Variants in ARIH1 observed in about 807,000 individuals in gnomAD.
The protein encoded by ARIH1 is ariadne RBR E3 ubiquitin protein ligase 1.
ARIH1 carries 8 observed loss-of-function variants against 85.0 expected under a neutral mutation model. The ratio of observed to expected loss-of-function variants is 0.09; its 90% CI spans 0.06 to 0.17. The LOEUF (loss-of-function observed/expected upper bound fraction) is 0.17, where lower values mean the gene tolerates loss of function less well. Among genes scored for constraint, ARIH1 ranks in the 10% least tolerant of loss-of-function variants. The pLI is 1.00. For synonymous variants in ARIH1, 238 were observed against 253.6 expected, an observed-to-expected ratio of 0.94 and a Z score of 0.59; for missense variants, 311 against 718.1, an observed-to-expected ratio of 0.43 and a Z score of 6.48.
chr15:72,553,164 A>G, intron 3 of ARIH1, among the ~76,000 whole-genome samples: 1 of 151,194 alleles, frequency 6.6e-6, no homozygotes, highest in East Asian at 1.9e-4. Context: ...CTCAATTAAA[A>G]ATAATTTAGA....
intron 1 of ARIH1, among the ~76,000 whole-genome samples, chr15:72,485,459 G>A (rs2063834100): frequency 6.6e-6 from 1 of 151,774 alleles, no homozygotes; most frequent in African/African-American, 2.4e-5. Context: ...TGCCGTCTCT[G>A]CTTAACTACA....
intron 1 of ARIH1, among the ~76,000 whole-genome samples, chr15:72,480,780 G>T (rs1347723426): frequency 2.0e-5 from 3 of 152,100 alleles, no homozygotes; most frequent in Non-Finnish European, 2.9e-5. Context: ...GGTCAGGCTG[G>T]TCTCAAACTC....
intron 3 of ARIH1, among the ~76,000 whole-genome samples, chr15:72,546,267 C>T (rs2064128544): frequency 6.6e-6 from 1 of 152,096 alleles, no homozygotes; most frequent in South Asian, 2.1e-4. Flanking sequence ...ATGTGTATCT[C>T]TAATGGGGTC....
chr15:72,476,094 T>A (rs2063793930), intron 1 of ARIH1, among the ~76,000 whole-genome samples: 1 of 152,244 alleles, frequency 6.6e-6, no homozygotes, highest in African/African-American at 2.4e-5. Flanking sequence ...GTATTATTTC[T>A]TTTTTGTTTA....
intron 11 of ARIH1, chr15:72,572,435 C>T (rs753709714): frequency 5.2e-5 from 12 of 231,840 alleles, no homozygotes; most frequent in Non-Finnish European, 8.3e-6. Context: ...AGTCTAGTCT[C>T]GAACTCCTGA....
chr15:72,520,337 G>C (rs1437241771), intron 2 of ARIH1, among the ~76,000 whole-genome samples: 1 of 150,878 alleles, frequency 6.6e-6, no homozygotes, highest in Non-Finnish European at 1.5e-5. Flanking sequence ...TATGTTGTCT[G>C]CTATTAGCAC....
chr15:72,557,409 T>G (rs960107932), intron 5 of ARIH1, among the ~76,000 whole-genome samples: 55 of 152,200 alleles, frequency 3.6e-4, no homozygotes, highest in African/African-American at 1.3e-3. Flanking sequence ...ATTTGTTTTT[T>G]GCTTGTTTGA....
Position 72,498,961 on chromosome 15 carries a change from A to ATT in ARIH1, c.376-19070_376-19069dup, listed in dbSNP as rs535261674. On this transcript the variant is annotated intron_variant, in intron 1 of 13. Coordinates refer to ENST00000379887, the MANE Select transcript of ARIH1 (RefSeq NM_005744.5). ...TTATGTCGTTTGCACCTTTTCATAA[A>ATT]TTTTTTTTTTTTTTTTTTTTTTTTT... Among the ~76,000 whole-genome samples the ATT allele has an allele frequency of 2.9e-3, 256 of 88,422 alleles. 50 individuals carry two copies. Among genetic ancestry groups the ATT allele is most frequent in the African/African-American group, 9.1e-3 (196 of 21,450 alleles). 58.0% of individuals were successfully genotyped at this position (88,422 alleles called of 152,430 possible).
rs1178909956 is a variant in ARIH1 at position 72,595,096 on chromosome 15, CTT to C, written c.*11808_*11809del. ...TTTAATAAGATTATTATGTATTTCT[CTT>C]TTTATTTTGTTAAGATGGTATGTTA... is the stretch of plus-strand genomic sequence containing the variant. On this transcript the variant is annotated 3_prime_UTR_variant, in exon 14 of 14. Coordinates refer to ENST00000379887, the MANE Select transcript of ARIH1 (RefSeq NM_005744.5). 6.6e-6 allele frequency: 1 copy of C among 152,068 alleles called. No individual in the cohort carries two copies. Among genetic ancestry groups the C allele is most frequent in the Non-Finnish European group, 1.5e-5 (1 of 68,008 alleles). The allele number at this position is 152,068 out of a possible 1,614,324, so 9.4% of individuals were successfully genotyped here.
intron 5 of ARIH1, 44 bp downstream of exon 5, chr15:72,555,951 G>T: frequency 6.5e-7 from 1 of 1,533,964 alleles, no homozygotes; most frequent in South Asian, 1.2e-5. Context: ...TTGGTTAGTT[G>T]GTTAAACCAA....
intron 10 of ARIH1, among the ~76,000 whole-genome samples, chr15:72,570,778 T>C (rs1045254883): frequency 6.6e-6 from 1 of 152,220 alleles, no homozygotes; most frequent in Non-Finnish European, 1.5e-5. Context: ...ATTTTTTCTT[T>C]AAATAAGCAT....
At chr15:72,554,668 T>C (rs958267466) in intron 3 of ARIH1, among the ~76,000 whole-genome samples, 7 of 152,230 alleles carry the variant, frequency 4.6e-5, no homozygotes, top group Admixed American at 2.0e-4. Context: ...ATTACAGATA[T>C]GAGCCAGTGT....
intron 1 of ARIH1, among the ~76,000 whole-genome samples, chr15:72,508,487 A>G (rs2063935542): frequency 2.0e-5 from 3 of 152,312 alleles, no homozygotes; most frequent in South Asian, 4.1e-4. Flanking sequence ...TTCAAATCCT[A>G]CTAGCCTATT....
intron 1 of ARIH1, among the ~76,000 whole-genome samples, chr15:72,496,428 A>G (rs752762834): frequency 6.6e-6 from 1 of 152,186 alleles, no homozygotes; most frequent in Non-Finnish European, 1.5e-5. Context: ...AATAATTGCC[A>G]TTTTAATTTT....
intron 2 of ARIH1, among the ~76,000 whole-genome samples, chr15:72,520,654 G>A (rs2063995529): frequency 6.6e-6 from 1 of 151,902 alleles, no homozygotes; most frequent in Non-Finnish European, 1.5e-5. Flanking sequence ...ATTTATATAT[G>A]TATTCTATTT....
intron 7 of ARIH1, among the ~76,000 whole-genome samples, chr15:72,564,607 G>A (rs1272439691): frequency 2.0e-5 from 3 of 152,170 alleles, no homozygotes; most frequent in Non-Finnish European, 4.4e-5. Flanking sequence ...TGTTAGAACA[G>A]CACCCTCACT....
intron 1 of ARIH1, among the ~76,000 whole-genome samples, chr15:72,482,768 G>A (rs2063821257): frequency 6.6e-6 from 1 of 152,008 alleles, no homozygotes; most frequent in South Asian, 2.1e-4. Context: ...AGCTTACCTG[G>A]GGGCCTCTGG....
At chr15:72,496,810 G>C in intron 1 of ARIH1, 2 of 985,442 alleles carry the variant, frequency 2.0e-6, no homozygotes, top group Non-Finnish European at 2.4e-6. Flanking sequence ...GGTACTTCCA[G>C]AAGTATGAAT....
intron 7 of ARIH1, 139 bp from the exon 8 acceptor site, chr15:72,566,424 T>C: frequency 1.4e-6 from 1 of 723,494 alleles, no homozygotes; most frequent in Non-Finnish European, 2.4e-6. Context: ...AAAGCAGACA[T>C]GGGTTCTCTC....
Sources: gnomAD v4.1 joint callset for allele counts (sites outside exome capture counted in the v4.1 genomes callset) on GRCh38, gnomAD v4.1.1 for gene constraint, MANE v1.5 for transcripts, NCBI Gene and HGNC (gene_info 2026-07-23, HGNC 2026-07-21) for gene names.